Variants in ERLEC1 observed in about 807,000 individuals in gnomAD.
ERLEC1 encodes the protein endoplasmic reticulum lectin 1.
A neutral mutation model predicts 68.0 loss-of-function variants in ERLEC1; 47 were observed. That is an observed-to-expected ratio of 0.69 (90% CI 0.55 to 0.88). ERLEC1 has a LOEUF of 0.88. Among genes scored for constraint, ERLEC1 ranks in the 40% least tolerant of loss-of-function variants. The pLI is 0.00. For missense variants in ERLEC1, 567 were observed against 583.8 expected, an observed-to-expected ratio of 0.97 and a Z score of 0.30; for synonymous variants, 225 against 203.2, an observed-to-expected ratio of 1.11 and a Z score of -0.91.
chr2:53,801,779 C>A lies in ERLEC1; in HGVS notation c.816C>A (p.Leu272=). 6.2e-7 allele frequency: 1 copy of A among 1,613,938 alleles called. No homozygotes were observed. Among genetic ancestry groups the A allele is most frequent in the Non-Finnish European group, 8.5e-7 (1 of 1,179,820 alleles). The change falls in exon 8 of 14, where the codon CTC becomes CTA. Residue 272 remains leucine (L), a synonymous_variant. Coordinates refer to ENST00000185150, the MANE Select transcript of ERLEC1 (RefSeq NM_015701.5). ...TGCCAGGATCTCCATTTAAGCCCCT[C>A]ACCCTGAGGCAGCTGGAGCAGCAGG... is the stretch of plus-strand genomic sequence containing the variant. ...QSLPGSPFKP[L]TLRQLEQQEE...
At chr2:53,798,126 C>T (rs925842546) in intron 5 of ERLEC1, among the ~76,000 whole-genome samples, 4 of 152,160 alleles carry the variant, frequency 2.6e-5, no homozygotes, top group East Asian at 3.9e-4. Flanking sequence ...ACACAGGAGG[C>T]GGAGCTTGCA....
chr2:53,787,554 G>C (rs1417412226), intron 1 of ERLEC1, 182 bp downstream of exon 1: 3 of 619,250 alleles, frequency 4.8e-6, no homozygotes, highest in Non-Finnish European at 2.6e-6. Flanking sequence ...ATGTGGATGC[G>C]TCCCCCTTGC....
In ERLEC1 at chr2:53,801,703, T is replaced by C; in HGVS notation, c.750-10T>C. On this transcript the variant is annotated splice_polypyrimidine_tract_variant and intron_variant, in intron 7 of 13. Coordinates refer to ENST00000185150, the MANE Select transcript of ERLEC1 (RefSeq NM_015701.5). ...GTGCATAGCTTTAATGCTTTGTTCC[T>C]ACTGAACAGGTTCAGAGCATCTCCT... 1.2e-6 allele frequency: 2 copies of C among 1,613,982 alleles called. No individual in the cohort carries two copies. The highest frequency in any genetic ancestry group is 1.7e-6 in the Non-Finnish European group (2 of 1,179,908).
intron 9 of ERLEC1, 78 bp downstream of exon 9, chr2:53,808,538 C>T (rs1476498063): frequency 1.4e-6 from 2 of 1,422,254 alleles, no homozygotes; most frequent in Non-Finnish European, 9.6e-7. Flanking sequence ...ATCAGCAGCA[C>T]TGAAAAGAAT....
At chr2:53,807,619 T>C (rs1236969917) in intron 8 of ERLEC1, among the ~76,000 whole-genome samples, 1 of 152,224 alleles carries the variant, frequency 6.6e-6, no homozygotes, top group East Asian at 1.9e-4. Flanking sequence ...CTCTTTACCC[T>C]GTTTGTTATT....
chr2:53,808,158 A>G, intron 8 of ERLEC1, 141 bp from the exon 9 acceptor site: 2 of 824,084 alleles, frequency 2.4e-6, no homozygotes, highest in South Asian at 3.8e-5. Context: ...TGCAAAGTCC[A>G]TTATCTTAAA....
In ERLEC1 at chr2:53,817,820, C is replaced by T. The variant is rs942235538; in HGVS notation, c.1381-78C>T. On this transcript the variant is annotated intron_variant, in intron 13 of 13. Transcript: ENST00000185150. ...CTCATGCTTCTAGCAAATATAACTA[C>T]ATGTATCCATTCAGCAGAATAGTAC... 7.6e-6 allele frequency: 6 copies of T among 790,644 alleles called. No individual in the cohort carries two copies. In the Admixed American group the frequency reaches 9.2e-5, roughly 12 times the overall value. The allele number at this position is 790,644 out of a possible 1,614,324, so 49.0% of individuals were successfully genotyped here.
intron 3 of ERLEC1, 48 bp downstream of exon 3, chr2:53,796,061 G>A (rs1162624777): frequency 8.0e-7 from 1 of 1,243,468 alleles, no homozygotes; most frequent in Non-Finnish European, 1.1e-6. Context: ...ATTACCAACA[G>A]CCAACAGACC....
Position 53,797,585 on chromosome 2 carries a change from C to G in ERLEC1, c.419C>G (p.Thr140Ser), listed in dbSNP as rs751933066. The G allele has an allele frequency of 1.2e-6, 2 of 1,611,630 alleles. No individual in the cohort carries two copies. Among genetic ancestry groups the G allele is most frequent in the East Asian group, 4.5e-5 (2 of 44,780 alleles). ...CGGCAGTACCATGAAGAGAAAGAAA[C>G]TGGTCAGGTGTGTTTTTCTTCAAAA... is the stretch of plus-strand genomic sequence containing the variant. The part of the protein sequence containing the change: ...HIRQYHEEKE[T>S]GQKINIHEYY... Residue 140 changes from threonine to serine, a missense_variant, in exon 4 of 14, where the codon ACT becomes AGT. Transcript: ENST00000185150.
At chr2:53,790,186 C>T (rs1049575559) in intron 1 of ERLEC1, among the ~76,000 whole-genome samples, 1 of 151,546 alleles carries the variant, frequency 6.6e-6, no homozygotes, top group Non-Finnish European at 1.5e-5. Context: ...TTCTGCCTCC[C>T]GGGTTCAAGC....
intron 9 of ERLEC1, 30 bp from the exon 10 acceptor site, chr2:53,809,184 C>G (rs1553392421): frequency 1.0e-5 from 16 of 1,550,098 alleles, no homozygotes; most frequent in Non-Finnish European, 1.3e-5. Flanking sequence ...CAGTTCTTAA[C>G]TTGATCTAAT....
At chr2:53,799,196 T>C in intron 6 of ERLEC1, 115 bp downstream of exon 6, 1 of 852,324 alleles carries the variant, frequency 1.2e-6, no homozygotes, top group Non-Finnish European at 1.8e-6. Context: ...ATCTATCAAA[T>C]ACCTTGAAGG....
Position 53,812,994 on chromosome 2 carries a change from C to T in ERLEC1, c.1147C>T (p.Gln383Ter). Residue 383 changes from glutamine (Q) to a stop codon, truncating the protein, a stop_gained, in exon 11 of 14, where the codon CAA becomes TAA. Coordinates refer to ENST00000185150, the MANE Select transcript of ERLEC1 (RefSeq NM_015701.5). LOFTEE classifies it high-confidence loss of function. Reference protein sequence around the residue: ...KTSVVVGTWNQEEHIEWAKKN... With the variant: ...KTSVVVGTWN ...CTCTGTGGTTGTCGGGACATGGAAC[C>T]AAGAAGAGCATATTGAATGGGCTAA... 3 of 1,613,684 alleles carry T rather than the reference C, an allele frequency of 1.9e-6. No homozygotes were observed. Among genetic ancestry groups the T allele is most frequent in the Non-Finnish European group, 2.5e-6 (3 of 1,179,916 alleles).
chr2:53,810,872 A>C (rs1676557322), intron 10 of ERLEC1, among the ~76,000 whole-genome samples: 1 of 152,160 alleles, frequency 6.6e-6, no homozygotes, highest in African/African-American at 2.4e-5. Context: ...AATACAGAAA[A>C]AGGATAAAGT....
chr2:53,812,406 A>G (rs1397948495), intron 10 of ERLEC1, among the ~76,000 whole-genome samples: 1 of 152,202 alleles, frequency 6.6e-6, no homozygotes, highest in Non-Finnish European at 1.5e-5. Context: ...GAATGGGAAA[A>G]GGGGTTTCTG....
chr2:53,812,332 A>G (rs569654136), intron 10 of ERLEC1, among the ~76,000 whole-genome samples: 1 of 152,232 alleles, frequency 6.6e-6, no homozygotes, highest in African/African-American at 2.4e-5. Flanking sequence ...AAGGAAGAAG[A>G]AAGAAGGAAG....
intron 3 of ERLEC1, among the ~76,000 whole-genome samples, chr2:53,796,289 T>C (rs866185302): frequency 3.3e-5 from 5 of 150,968 alleles, no homozygotes; most frequent in Middle Eastern, 3.4e-3. Context: ...CTCCTCCCAT[T>C]CTTTACCTTC....
chr2:53,805,054 G>T (rs1676213916), intron 8 of ERLEC1, among the ~76,000 whole-genome samples: 1 of 145,642 alleles, frequency 6.9e-6, no homozygotes, highest in South Asian at 2.2e-4. Context: ...GAGTGCAGTG[G>T]TGCAATCTCT....
At chr2:53,808,969 C>G (rs549412665) in intron 9 of ERLEC1, among the ~76,000 whole-genome samples, 52 of 152,234 alleles carry the variant, frequency 3.4e-4, no homozygotes, top group African/African-American at 1.1e-3. Flanking sequence ...GACCCTGACT[C>G]TTAGTACTAG....
Sources: allele counts gnomAD v4.1 joint callset (sites outside exome capture counted in the v4.1 genomes callset), GRCh38; gene constraint gnomAD v4.1.1; transcripts MANE v1.5; gene names NCBI Gene and HGNC (gene_info 2026-07-23, HGNC 2026-07-21).